H3-3A: variants seen among roughly 807,000 people sequenced by gnomAD.
H3-3A encodes histone H3.3.
For missense variants in H3-3A, 7 were observed against 184.0 expected (o/e 0.04, Z 5.57); for synonymous variants, 49 against 61.4 (o/e 0.80, Z 0.95).
chr1:226,066,278 T>G (rs536712065), intron 3 of H3-3A: 16 of 164,240 alleles, frequency 9.7e-5, no homozygotes, highest in African/African-American at 3.6e-4. Flanking sequence ...ATTAAAAAAT[T>G]ATGCATTAAG....
At chr1:226,065,579 A>G (rs1657898101) in intron 2 of H3-3A, 77 bp from the exon 3 acceptor site, 4 of 1,070,296 alleles carry the variant, frequency 3.7e-6, no homozygotes, top group South Asian at 3.6e-5. Context: ...AGATTACTGC[A>G]TTTCTTTGAA....
At position 226,071,605 on chromosome 1, in the gene H3-3A, ATGAT is replaced by A. The variant is rs1200829043; in HGVS notation, c.*129_*132del. On this transcript the variant is annotated 3_prime_UTR_variant, in exon 4 of 4. Transcript: ENST00000366815. ...ATGGGGTCAAAAGGTACCTAAGTATATGATTGCGAGTGGAAAAATAGGGGACAGA... is the reference window on the plus strand; with the variant it reads ...ATGGGGTCAAAAGGTACCTAAGTATATGCGAGTGGAAAAATAGGGGACAGA... The A allele has an allele frequency of 2.1e-6, 1 of 479,622 alleles. No homozygotes were observed. The highest frequency in any genetic ancestry group is 3.6e-6 in the Non-Finnish European group (1 of 276,702). The allele number at this position is 479,622 out of a possible 1,614,324, so 29.7% of individuals were successfully genotyped here.
intron 1 of H3-3A, among the ~76,000 whole-genome samples, chr1:226,063,275 A>C (rs1341944739): frequency 6.6e-6 from 1 of 151,882 alleles, no homozygotes; most frequent in East Asian, 1.9e-4. Flanking sequence ...GCTAAGCTTC[A>C]CCATCTTGTC....
chr1:226,064,520 G>A (rs1340109830), intron 2 of H3-3A, 41 bp downstream of exon 2: 3 of 1,530,662 alleles, frequency 2.0e-6, no homozygotes, highest in Non-Finnish European at 2.7e-6. Flanking sequence ...AGTCTCTCTT[G>A]TATGTATCCA....
chr1:226,062,039 G>A (rs1327075553), upstream of H3-3A: 1 of 152,220 alleles, frequency 6.6e-6, no homozygotes, highest in Non-Finnish European at 1.5e-5. Context: ...ACTTGGCCGA[G>A]CGCGCAGGCG....
chr1:226,062,927 A>G (rs2102733479), intron 1 of H3-3A, 116 bp downstream of exon 1: 1 of 151,826 alleles, frequency 6.6e-6, no homozygotes, highest in Non-Finnish European at 1.5e-5. Flanking sequence ...TAGCCCACAA[A>G]CTTTTTGGCC....
rs3795441 is a variant in H3-3A, at chr1:226,071,232, G to A, written c.283-119G>A. The A allele has an allele frequency of 4.2e-5, 30 of 711,920 alleles. No homozygotes were observed. The East Asian group carries it at 8.1e-4, about 19-fold the overall frequency. 44.1% of individuals were successfully genotyped at this position (711,920 alleles called of 1,614,324 possible). ...ATGTAAGCATTTGGTAAAATTGTCA[G>A]CATCTTGCCCAGTCATTTTTTTAAA... On this transcript the variant is annotated intron_variant, in intron 3 of 3. Transcript: ENST00000366815.
At chr1:226,063,173 C>A (rs1657794501) in intron 1 of H3-3A, among the ~76,000 whole-genome samples, 1 of 152,030 alleles carries the variant, frequency 6.6e-6, no homozygotes, top group Non-Finnish European at 1.5e-5. Context: ...CCCCGGGCCC[C>A]AGCCCCCAGT....
chr1:226,067,220 T>G (rs1307348525), intron 3 of H3-3A: 1 of 152,294 alleles, frequency 6.6e-6, no homozygotes, highest in East Asian at 1.9e-4. Flanking sequence ...CTAAACAATC[T>G]GGGTAAAAGA....
At chr1:226,071,191 T>A (rs898128711) in intron 3 of H3-3A, among the ~76,000 whole-genome samples, 160 bp from the exon 4 acceptor site, 1 of 152,238 alleles carries the variant, frequency 6.6e-6, no homozygotes, top group Admixed American at 6.5e-5. Context: ...TTGAGCTTTG[T>A]CCCACAGGTT....
At chr1:226,064,276 G>A (rs1657847097) in intron 1 of H3-3A, 53 bp from the exon 2 acceptor site, 2 of 1,331,548 alleles carry the variant, frequency 1.5e-6, no homozygotes, top group Non-Finnish European at 2.1e-6. Context: ...GGCAGGAAAA[G>A]TTGTATGTTT....
At chr1:226,064,961 C>T (rs769387954) in intron 2 of H3-3A, among the ~76,000 whole-genome samples, 3 of 152,160 alleles carry the variant, frequency 2.0e-5, no homozygotes, top group Non-Finnish European at 4.4e-5. Flanking sequence ...ACCTGAGCCA[C>T]TGTGTTGTTA....
At chr1:226,062,200 A>C (rs375345652), upstream of H3-3A, 1 of 151,216 alleles carries the variant, frequency 6.6e-6, no homozygotes, top group Admixed American at 6.6e-5. Context: ...CTCCTCCCCC[A>C]CTGCCGCCCG....
chr1:226,063,355 T>A (rs1466407838), intron 1 of H3-3A, among the ~76,000 whole-genome samples: 1 of 152,208 alleles, frequency 6.6e-6, no homozygotes, highest in Non-Finnish European at 1.5e-5. Context: ...AAGCAAGAAT[T>A]TTTAAAAGAG....
chr1:226,063,042 C>A (rs2102733665), intron 1 of H3-3A, among the ~76,000 whole-genome samples: 1 of 152,190 alleles, frequency 6.6e-6, no homozygotes, highest in East Asian at 1.9e-4. Context: ...CGGCGCCGAG[C>A]CTGCTCTCCC....
chr1:226,065,381 A>G (rs962343182), intron 2 of H3-3A, among the ~76,000 whole-genome samples: 4 of 152,242 alleles, frequency 2.6e-5, no homozygotes, highest in African/African-American at 9.6e-5. Flanking sequence ...CCCAAGGTTT[A>G]TATACATGAA....
intron 3 of H3-3A, chr1:226,066,019 C>T (rs1657911661): frequency 1.7e-6 from 1 of 599,360 alleles, no homozygotes; most frequent in Non-Finnish European, 3.1e-6. Flanking sequence ...TATTTGACTC[C>T]AAGGCTTAGT....
At chr1:226,062,146 G>A (rs1385985537), upstream of H3-3A, 3 of 152,000 alleles carry the variant, frequency 2.0e-5, no homozygotes, top group African/African-American at 7.2e-5. Context: ...CTTCCTGCTG[G>A]GGAGCGTTTT....
intron 3 of H3-3A, chr1:226,067,252 A>T (rs182471323): frequency 2.6e-5 from 4 of 152,158 alleles, no homozygotes; most frequent in Non-Finnish European, 2.9e-5. Flanking sequence ...AAAATTATTC[A>T]CATGTAAACT....
Sources: allele counts gnomAD v4.1 joint callset (sites outside exome capture counted in the v4.1 genomes callset), GRCh38; gene constraint gnomAD v4.1.1; transcripts MANE v1.5; gene names NCBI Gene and HGNC (gene_info 2026-07-23, HGNC 2026-07-21).